The following SGCD variants were observed in gnomAD, a reference collection of about 807,000 sequenced individuals.
SGCD encodes sarcoglycan delta.
In SGCD, 18 loss-of-function variants were observed where a neutral mutation model predicts 36.6. The observed-to-expected ratio is 0.49, with a 90% CI of 0.34 to 0.73. SGCD has a LOEUF of 0.73. SGCD is among the 30% of genes least tolerant of loss of function. The pLI is 0.01. For synonymous variants in SGCD, 133 were observed against 130.6 expected, an observed-to-expected ratio of 1.02 and a Z score of -0.12; for missense variants, 387 against 346.7, an observed-to-expected ratio of 1.12 and a Z score of -0.92.
chr5:156,105,474 T>G (rs558782350), intron 1 of SGCD, among the ~76,000 whole-genome samples: 1 of 152,336 alleles, frequency 6.6e-6, no homozygotes, highest in East Asian at 1.9e-4. Flanking sequence ...ACTTTTCAAT[T>G]ATAAATTTAC....
At chr5:156,388,612 A>G (rs1028831085) in intron 3 of SGCD, among the ~76,000 whole-genome samples, 7 of 152,212 alleles carry the variant, frequency 4.6e-5, no homozygotes, top group African/African-American at 1.7e-4. Flanking sequence ...GAGTCTATGC[A>G]TGGGCTACAT....
intron 7 of SGCD, among the ~76,000 whole-genome samples, chr5:156,695,721 G>A (rs948760262): frequency 6.6e-6 from 1 of 152,124 alleles, no homozygotes; most frequent in Admixed American, 6.6e-5. Flanking sequence ...AGTATCTTAG[G>A]CTTTGAAGGA....
chr5:156,447,266 T>C (rs1350177686), intron 3 of SGCD, among the ~76,000 whole-genome samples: 2 of 152,200 alleles, frequency 1.3e-5, no homozygotes, highest in African/African-American at 4.8e-5. Context: ...GATAGAACCA[T>C]ATAAAATTTC....
chr5:156,487,922 G>GA (rs1436697523), intron 3 of SGCD, among the ~76,000 whole-genome samples: 1 of 135,408 alleles, frequency 7.4e-6, no homozygotes, highest in African/African-American at 2.7e-5. Flanking sequence ...AAAGAATTCA[G>GA]AAAAAATTCA....
intron 1 of SGCD, among the ~76,000 whole-genome samples, chr5:156,015,619 G>A (rs79175999): frequency 0.081 from 12,190 of 150,930 alleles, 1,668 homozygotes; most frequent in African/African-American, 0.28. Context: ...GTGTGTGTGT[G>A]TATATATATG....
chr5:156,032,922 A>C (rs1261217147), intron 1 of SGCD, among the ~76,000 whole-genome samples: 1 of 151,358 alleles, frequency 6.6e-6, no homozygotes, highest in Non-Finnish European at 1.5e-5. Flanking sequence ...AATTAAAATA[A>C]AAACATTAGC....
At chr5:155,983,087 C>A (rs1342960420) in intron 1 of SGCD, among the ~76,000 whole-genome samples, 3 of 152,080 alleles carry the variant, frequency 2.0e-5, no homozygotes, top group Non-Finnish European at 4.4e-5. Flanking sequence ...TTTTTTCCAT[C>A]TTAAAATAAT....
chr5:156,300,399 G>A (rs993724307), intron 3 of SGCD, among the ~76,000 whole-genome samples: 21 of 151,844 alleles, frequency 1.4e-4, no homozygotes, highest in African/African-American at 4.8e-4. Context: ...GGAGCATATT[G>A]TTTAATTTAC....
At chr5:156,166,778 C>A (rs751562701) in intron 3 of SGCD, among the ~76,000 whole-genome samples, 2 of 152,268 alleles carry the variant, frequency 1.3e-5, no homozygotes, top group Non-Finnish European at 2.9e-5. Context: ...CTTACAGATA[C>A]CCACACATTA....
the SGCD span, among the ~76,000 whole-genome samples, chr5:155,830,971 A>C: frequency 6.6e-6 from 1 of 152,210 alleles, no homozygotes; most frequent in South Asian, 2.1e-4. Flanking sequence ...GCTTAAATTC[A>C]TTAAATGCTT....
intron 7 of SGCD, among the ~76,000 whole-genome samples, chr5:156,654,316 C>T (rs1763590074): frequency 6.6e-6 from 1 of 151,990 alleles, no homozygotes; most frequent in African/African-American, 2.4e-5. Flanking sequence ...GTTTGTTGGG[C>T]CTGCAGAGCA....
chr5:156,270,707 G>A (rs968588627), intron 3 of SGCD, among the ~76,000 whole-genome samples: 19 of 152,110 alleles, frequency 1.2e-4, no homozygotes, highest in Non-Finnish European at 2.4e-4. Context: ...TCTATTTACT[G>A]GTGCAAAGAA....
chr5:156,317,378 A>G (rs1177423732), intron 3 of SGCD, among the ~76,000 whole-genome samples: 2 of 152,146 alleles, frequency 1.3e-5, no homozygotes, highest in African/African-American at 4.8e-5. Context: ...AGACAGTTTA[A>G]TAACAGGATC....
At chr5:156,487,348 G>A (rs1352969964) in intron 3 of SGCD, among the ~76,000 whole-genome samples, 1 of 152,084 alleles carries the variant, frequency 6.6e-6, no homozygotes, top group Non-Finnish European at 1.5e-5. Flanking sequence ...TGCATGTAGA[G>A]GAAAAAATCT....
chr5:156,655,321 C>G (rs1337277742), intron 7 of SGCD, among the ~76,000 whole-genome samples: 2 of 151,822 alleles, frequency 1.3e-5, no homozygotes, highest in Non-Finnish European at 2.9e-5. Flanking sequence ...TCTGTTTGTT[C>G]TTATTTTGTT....
chr5:155,775,081 T>C, the SGCD span, among the ~76,000 whole-genome samples: 1 of 152,020 alleles, frequency 6.6e-6, no homozygotes, highest in Admixed American at 6.6e-5. Context: ...TTTGTTAGAG[T>C]TTCTTAAGAC....
At chr5:156,368,361 G>C (rs1330231016) in intron 3 of SGCD, among the ~76,000 whole-genome samples, 1 of 152,160 alleles carries the variant, frequency 6.6e-6, no homozygotes, top group African/African-American at 2.4e-5. Flanking sequence ...AAAGTGCTGG[G>C]ATTACAGGCG....
At chr5:156,671,176 TAAAA>T (rs543904931) in intron 7 of SGCD, among the ~76,000 whole-genome samples, 2 of 144,846 alleles carry the variant, frequency 1.4e-5, no homozygotes, top group East Asian at 2.0e-4. Context: ...TTTTCCACAT[TAAAA>T]AAAAAAGAAA....
In SGCD at chr5:156,202,204, ACTC is replaced by A. The variant is rs923173678; in HGVS notation, c.-44+78191_-44+78193del. On this transcript the variant is annotated intron_variant, in intron 3 of 9. Coordinates refer to the SGCD transcript ENST00000517913. ...TGATTGTGGCCCCACTCACCACTTA[ACTC>A]CTCCTGGATGGTTTCCTTAAACTGG... Among the ~76,000 whole-genome samples, 102 of 152,084 alleles carry A rather than the reference ACTC, an allele frequency of 6.7e-4. 1 individual carries two copies. The highest frequency in any genetic ancestry group is 2.4e-3 in the African/African-American group (98 of 41,498).
Sources: allele counts gnomAD v4.1 joint callset (sites outside exome capture counted in the v4.1 genomes callset), GRCh38; gene constraint gnomAD v4.1.1; transcripts MANE v1.5; gene names NCBI Gene and HGNC (gene_info 2026-07-23, HGNC 2026-07-21).